The following KAT6B variants were observed in gnomAD, a reference collection of about 807,000 sequenced individuals.
The protein encoded by KAT6B is lysine acetyltransferase 6B, also known as histone acetyltransferase KAT6B.
Under a neutral mutation model 187.5 loss-of-function variants are expected in KAT6B, and 10 were observed. The ratio of observed to expected loss-of-function variants is 0.05; its 90% CI spans 0.03 to 0.09. The LOEUF (loss-of-function observed/expected upper bound fraction) is 0.09. Among genes scored for constraint, KAT6B ranks in the 10% least tolerant of loss-of-function variants. The probability of loss-of-function intolerance (pLI) is 1.00; values close to 1 mark genes in which losing one functional copy is unlikely to be tolerated. For synonymous variants in KAT6B, 861 were observed against 926.8 expected (o/e 0.93, Z 1.29); for missense variants, 1,952 against 2,558.9 (o/e 0.76, Z 5.12).
chr10:74,974,073 C>G (rs1180345969), intron 7 of KAT6B, among the ~76,000 whole-genome samples: 1 of 152,184 alleles, frequency 6.6e-6, no homozygotes, highest in African/African-American at 2.4e-5. Context: ...ATTCCAGATA[C>G]AATCCAAATG....
At chr10:74,929,449 T>G (rs1352944621) in intron 3 of KAT6B, among the ~76,000 whole-genome samples, 1 of 152,220 alleles carries the variant, frequency 6.6e-6, no homozygotes, top group African/African-American at 2.4e-5. Context: ...CGAATGGCAG[T>G]ATTAGTCATA....
intron 3 of KAT6B, among the ~76,000 whole-genome samples, chr10:74,854,082 C>T (rs1453796021): frequency 6.6e-6 from 1 of 152,174 alleles, no homozygotes; most frequent in East Asian, 1.9e-4. Context: ...AAAATATGAA[C>T]CTGAATCTTC....
intron 3 of KAT6B, among the ~76,000 whole-genome samples, chr10:74,846,596 G>A (rs1842118214): frequency 1.3e-5 from 2 of 152,080 alleles, no homozygotes; most frequent in African/African-American, 4.8e-5. Flanking sequence ...GTGCCACCAT[G>A]CCTGGCCAAT....
At chr10:74,901,724 G>A (rs1455989227) in intron 3 of KAT6B, among the ~76,000 whole-genome samples, 2 of 152,136 alleles carry the variant, frequency 1.3e-5, no homozygotes, top group African/African-American at 4.8e-5. Context: ...GAGTGCTGGG[G>A]TTGGAGAGAT....
chr10:74,878,480 T>A lies in KAT6B; in HGVS notation c.621+35002T>A, dbSNP rs4746245. ...ACTAAAATACAAAAAATTAGCCGGG[T>A]ATGGTAGCATGTGCCTGTAATCCCA... On this transcript the variant is annotated intron_variant, in intron 3 of 17. Transcript: ENST00000287239. 2.0e-5 allele frequency among the ~76,000 whole-genome samples: 3 copies of A among 151,650 alleles called. No individual in the cohort carries two copies. In the South Asian group the frequency reaches 6.3e-4, roughly 32 times the overall value.
At position 74,977,313 on chromosome 10, in the gene KAT6B, C is replaced by T; in HGVS notation, c.1994-3C>T. 1 of 1,612,576 alleles carries T rather than the reference C, an allele frequency of 6.2e-7. No individual in the cohort carries two copies. The highest frequency in any genetic ancestry group is 8.5e-7 in the Non-Finnish European group (1 of 1,179,124). Reference sequence around the variant, plus strand: ...TACACTTTCTGCTGGTTTTAAATGACAGATACTGAAATAAAAATAAACATC... The same window carrying T: ...TACACTTTCTGCTGGTTTTAAATGATAGATACTGAAATAAAAATAAACATC... On this transcript the variant is annotated splice_region_variant and splice_polypyrimidine_tract_variant and intron_variant, in intron 8 of 17. Transcript: ENST00000287239.
At chr10:74,995,183 C>T (rs1843348358) in intron 13 of KAT6B, among the ~76,000 whole-genome samples, 2 of 152,148 alleles carry the variant, frequency 1.3e-5, no homozygotes, top group Admixed American at 1.3e-4. Flanking sequence ...GAAAAACAAA[C>T]CTCTTAAGTG....
chr10:74,878,119 T>C (rs1457667395), intron 3 of KAT6B, among the ~76,000 whole-genome samples: 1 of 152,216 alleles, frequency 6.6e-6, no homozygotes, highest in Admixed American at 6.5e-5. Context: ...TGTGATGGTT[T>C]GTGTTTAGCA....
chr10:75,013,613 C>T (rs569909315), intron 13 of KAT6B, among the ~76,000 whole-genome samples: 1 of 152,240 alleles, frequency 6.6e-6, no homozygotes, highest in East Asian at 1.9e-4. Context: ...TTTAGTTACC[C>T]AAATGATCAC....
intron 3 of KAT6B, among the ~76,000 whole-genome samples, chr10:74,853,495 C>T (rs988540549): frequency 1.3e-5 from 2 of 151,836 alleles, no homozygotes; most frequent in East Asian, 1.9e-4. Flanking sequence ...GGTTTCGCCA[C>T]GTTGCCCAGG....
chr10:74,927,387 C>G (rs763277871), intron 3 of KAT6B, among the ~76,000 whole-genome samples: 5 of 151,092 alleles, frequency 3.3e-5, no homozygotes, highest in African/African-American at 1.2e-4. Flanking sequence ...GAGATCTGAA[C>G]TGGGGAGCCA....
chr10:74,960,065 T>C lies in KAT6B; in HGVS notation c.717T>C (p.Asp239=), dbSNP rs1416245734. The C allele has an allele frequency of 5.6e-6, 9 of 1,606,236 alleles. No individual in the cohort carries two copies. In the East Asian group the frequency reaches 1.1e-4, roughly 20 times the overall value. ...CAGAAGAACTCCTCTCTTGTGCAGA[T>C]TGTGGCAGTAGTGGTAAGTTGTGTT... The part of the protein sequence containing the change: ...KKPEELLSCA[D]CGSSGHPSCL... The change falls in exon 4 of 18, where the codon GAT becomes GAC. Residue 239 remains aspartate (D), a synonymous_variant. Transcript: ENST00000287239.
chr10:74,900,061 A>T (rs1412768699), intron 3 of KAT6B, among the ~76,000 whole-genome samples: 1 of 152,046 alleles, frequency 6.6e-6, no homozygotes, highest in Non-Finnish European at 1.5e-5. Context: ...TTTTATCTGT[A>T]CTTTGGGTCA....
At chr10:75,003,004 A>C (rs907071935) in intron 13 of KAT6B, 1 of 152,218 alleles carries the variant, frequency 6.6e-6, no homozygotes, top group African/African-American at 2.4e-5. Context: ...TGTGATTCTT[A>C]GGGACAATTT....
intron 3 of KAT6B, among the ~76,000 whole-genome samples, chr10:74,897,842 A>G (rs768401953): frequency 3.9e-5 from 6 of 152,236 alleles, no homozygotes; most frequent in African/African-American, 9.6e-5. Flanking sequence ...ACAGGAATCT[A>G]TGGCTCTAAA....
chr10:74,988,728 A>T (rs942905967), intron 12 of KAT6B, among the ~76,000 whole-genome samples: 4 of 152,188 alleles, frequency 2.6e-5, no homozygotes, highest in Non-Finnish European at 4.4e-5. Context: ...CATTTCTTTT[A>T]TGCTGTCTAT....
intron 3 of KAT6B, among the ~76,000 whole-genome samples, chr10:74,933,395 G>A (rs1849019629): frequency 6.6e-6 from 1 of 152,194 alleles, no homozygotes; most frequent in Non-Finnish European, 1.5e-5. Context: ...GGTCACCGTT[G>A]ATTTTTGCCT....
chr10:74,985,899 A>T (rs891574875), intron 12 of KAT6B, among the ~76,000 whole-genome samples: 2 of 152,144 alleles, frequency 1.3e-5, no homozygotes, highest in African/African-American at 4.8e-5. Flanking sequence ...GCAAGAAATT[A>T]GCTGGGCCTG....
intron 3 of KAT6B, among the ~76,000 whole-genome samples, chr10:74,943,248 A>G (rs10466033): frequency 0.056 from 8,591 of 152,274 alleles, 505 homozygotes; most frequent in East Asian, 0.17. Flanking sequence ...AAATATATAC[A>G]GATAAAGTTA....
Sources: allele counts gnomAD v4.1 joint callset (sites outside exome capture counted in the v4.1 genomes callset), GRCh38; gene constraint gnomAD v4.1.1; transcripts MANE v1.5; gene names NCBI Gene and HGNC (gene_info 2026-07-23, HGNC 2026-07-21).